Variants in QPRT observed in about 807,000 individuals in gnomAD.
QPRT encodes nicotinate-nucleotide pyrophosphorylase [carboxylating].
QPRT carries 17 observed loss-of-function variants against 19.8 expected under a neutral mutation model. That is an observed-to-expected ratio of 0.86 (90% CI 0.59 to 1.29). The LOEUF is 1.29. Ranked by LOEUF, QPRT falls within the 50% of genes most tolerant of loss-of-function variation. The pLI, the probability that QPRT is intolerant of heterozygous loss-of-function variation, is 0.00. For synonymous variants in QPRT, 178 were observed against 191.0 expected, an observed-to-expected ratio of 0.93 and a Z score of 0.56; for missense variants, 336 against 405.1, an observed-to-expected ratio of 0.83 and a Z score of 1.46.
intron 1 of QPRT, among the ~76,000 whole-genome samples, chr16:29,686,597 A>G (rs1330410874): frequency 2.0e-5 from 3 of 152,122 alleles, no homozygotes; most frequent in African/African-American, 7.2e-5. Context: ...CCCAAGTTCA[A>G]GCAATTCTCT....
intron 1 of QPRT, among the ~76,000 whole-genome samples, chr16:29,694,111 C>T (rs1967436932): frequency 6.6e-6 from 1 of 151,596 alleles, no homozygotes; most frequent in Non-Finnish European, 1.5e-5. Context: ...CCACCGCACC[C>T]GGTCAGAAGT....
chr16:29,688,316 C>A (rs1967221026), intron 1 of QPRT, among the ~76,000 whole-genome samples: 1 of 151,924 alleles, frequency 6.6e-6, no homozygotes, highest in African/African-American at 2.4e-5. Flanking sequence ...AATGAGGACC[C>A]CCATCAGGGA....
chr16:29,697,518 T>A lies in QPRT; in HGVS notation c.*107T>A. The A allele has an allele frequency of 2.5e-6, 3 of 1,201,450 alleles. No homozygotes were observed. Among genetic ancestry groups the A allele is most frequent in the Non-Finnish European group, 3.4e-6 (3 of 871,208 alleles). The allele number at this position is 1,201,450 out of a possible 1,614,324, so 74.4% of individuals were successfully genotyped here. A position where few individuals can be genotyped will look rare whatever the true frequency, so the allele number is the denominator to read the frequency against. ...GTGGCCAATGGGGCACATTTGGCAC[T>A]AGCTTGAGCCCAACTCTGGCTCTGC... On this transcript the variant is annotated 3_prime_UTR_variant, in exon 4 of 4. Transcript: ENST00000395384. The surrounding 1 kb of genome is among the most constrained non-coding windows in gnomAD (Gnocchi z 4.4).
chr16:29,692,934 G>T (rs1417011885), intron 1 of QPRT, among the ~76,000 whole-genome samples: 1 of 151,766 alleles, frequency 6.6e-6, no homozygotes, highest in East Asian at 1.9e-4. Context: ...GGTGGCAGGC[G>T]CCTGTAACCC....
intron 1 of QPRT, among the ~76,000 whole-genome samples, chr16:29,683,706 T>C (rs1249442140): frequency 1.3e-5 from 2 of 151,984 alleles, no homozygotes; most frequent in Non-Finnish European, 2.9e-5. Flanking sequence ...CAGAGCAGGG[T>C]GGGGGCTGGC....
At chr16:29,679,059 AG>A, upstream of QPRT, 1 of 1,474,900 alleles carries the variant, frequency 6.8e-7, no homozygotes, top group Non-Finnish European at 9.4e-7. Context: ...GACAGGAGGG[AG>A]GCTTGGGGAG....
At chr16:29,685,575 C>T (rs1176695486) in intron 1 of QPRT, among the ~76,000 whole-genome samples, 1 of 152,186 alleles carries the variant, frequency 6.6e-6, no homozygotes, top group African/African-American at 2.4e-5. Context: ...AGGTGACAGC[C>T]ACCGCGCCCA....
chr16:29,683,744 T>C (rs1261378004), intron 1 of QPRT, among the ~76,000 whole-genome samples: 1 of 152,160 alleles, frequency 6.6e-6, no homozygotes, highest in African/African-American at 2.4e-5. Context: ...CCCTGGAAAC[T>C]ACCCCCAGAG....
intron 1 of QPRT, among the ~76,000 whole-genome samples, chr16:29,692,600 GTATA>G (rs1260493464): frequency 6.6e-6 from 1 of 151,816 alleles, no homozygotes; most frequent in East Asian, 1.9e-4. Context: ...TATAGTAGGT[GTATA>G]TATTTATGGG....
intron 1 of QPRT, among the ~76,000 whole-genome samples, chr16:29,681,117 C>T (rs1966989733): frequency 6.6e-6 from 1 of 151,962 alleles, no homozygotes; most frequent in South Asian, 2.1e-4. Flanking sequence ...GGATGCCACG[C>T]CAAACACCTT....
chr16:29,679,164 G>A, upstream of QPRT: 1 of 1,613,826 alleles, frequency 6.2e-7, no homozygotes, highest in Non-Finnish European at 8.5e-7. Flanking sequence ...GTCCTGAGCA[G>A]CCAACACACC....
intron 2 of QPRT, 106 bp from the exon 3 acceptor site, chr16:29,696,890 G>A: frequency 7.4e-7 from 1 of 1,350,906 alleles, no homozygotes. Flanking sequence ...CCGCGCCCCA[G>A]CTGCAGTGCT....
At chr16:29,680,870 G>C (rs764314317) in intron 1 of QPRT, among the ~76,000 whole-genome samples, 3 of 152,164 alleles carry the variant, frequency 2.0e-5, no homozygotes, top group Non-Finnish European at 4.4e-5. Context: ...GAACCCCAGT[G>C]GCGGAGGTTG....
intron 1 of QPRT, among the ~76,000 whole-genome samples, chr16:29,684,410 C>T (rs1967101364): frequency 6.6e-6 from 1 of 152,200 alleles, no homozygotes; most frequent in Non-Finnish European, 1.5e-5. Context: ...ATTCTCCTGC[C>T]TCAGCCTCCT....
At chr16:29,680,655 C>T (rs1966972812) in intron 1 of QPRT, among the ~76,000 whole-genome samples, 1 of 152,066 alleles carries the variant, frequency 6.6e-6, no homozygotes, top group African/African-American at 2.4e-5. Context: ...TAGTTCCCTG[C>T]TCTGGCCCGC....
In QPRT at chr16:29,697,140, C is replaced by T; in HGVS notation, c.681+13C>T. The T allele has an allele frequency of 1.2e-6, 2 of 1,600,044 alleles. No homozygotes were observed. The highest frequency in any genetic ancestry group is 2.2e-5 in the South Asian group (2 of 90,326). ...CTTCAAGCCAGAGGTAAGGTGGGCT[C>T]TGCCTCCGGGGAGGGATCTGTGGTG... On this transcript the variant is annotated intron_variant, in intron 3 of 3. Transcript: ENST00000395384. The surrounding 1 kb of genome is among the most constrained non-coding windows in gnomAD (Gnocchi z 4.4).
In QPRT at chr16:29,695,102, G is replaced by A; in HGVS notation, c.452G>A (p.Gly151Glu). The change falls in exon 2 of 4, where the codon GGG becomes GAG. Residue 151 changes from glycine (G) to glutamate (E), a missense_variant. Transcript: ENST00000395384. The part of the protein sequence containing the change: ...TPGFRLVEKY[G>E]LLVGGAASHR... ...GGCTTCCGGCTGGTGGAGAAGTATG[G>A]GCTCCTGGTGGGCGGGGCCGCCTCG... 1.2e-6 allele frequency: 2 copies of A among 1,601,862 alleles called. No homozygotes were observed. The highest frequency in any genetic ancestry group is 1.1e-5 in the South Asian group (1 of 89,766).
At chr16:29,685,404 G>A (rs1257929103) in intron 1 of QPRT, among the ~76,000 whole-genome samples, 1 of 152,134 alleles carries the variant, frequency 6.6e-6, no homozygotes, top group Non-Finnish European at 1.5e-5. Context: ...CCGGGAGGCA[G>A]AGGTTGCAGT....
At chr16:29,696,790 A>G (rs1009379829) in intron 2 of QPRT, 1 of 572,560 alleles carries the variant, frequency 1.7e-6, no homozygotes, top group Admixed American at 3.6e-5. Flanking sequence ...CAAAAACAAA[A>G]CAAAGCAAAA....
Sources: allele counts gnomAD v4.1 joint callset (sites outside exome capture counted in the v4.1 genomes callset), GRCh38; gene constraint gnomAD v4.1.1; non-coding constraint Gnocchi (gnomAD v3.1); transcripts MANE v1.5; gene names NCBI Gene and HGNC (gene_info 2026-07-23, HGNC 2026-07-21).